The following TEX26 variants were observed in gnomAD, a reference collection of about 807,000 sequenced individuals.
TEX26 encodes the protein testis expressed 26.
TEX26 carries 34 observed loss-of-function variants against 35.3 expected under a neutral mutation model. That is an observed-to-expected ratio of 0.96 (90% CI 0.73 to 1.28). The LOEUF (loss-of-function observed/expected upper bound fraction) is 1.28, where lower values mean the gene tolerates loss of function less well. TEX26 is among the 50% of genes most tolerant of loss of function. TEX26 has a pLI of 0.00. For missense variants in TEX26, 371 were observed against 330.1 expected (o/e 1.12, Z -0.96); for synonymous variants, 136 against 111.8 (o/e 1.22, Z -1.36).
intron 4 of TEX26, among the ~76,000 whole-genome samples, chr13:30,965,130 T>C (rs7321023): frequency 0.69 from 105,507 of 151,948 alleles, 37,374 homozygotes; most frequent in African/African-American, 0.84. Context: ...GAGGTCATTA[T>C]GAGGGCTATT....
chr13:30,939,582 T>A, intron 1 of TEX26, 112 bp from the exon 2 acceptor site: 3 of 921,770 alleles, frequency 3.3e-6, no homozygotes, highest in Middle Eastern at 4.4e-4. Flanking sequence ...ACTCTAAAGA[T>A]AAACCATCCA....
intron 3 of TEX26, among the ~76,000 whole-genome samples, chr13:30,955,176 A>T (rs1954080939): frequency 6.6e-6 from 1 of 152,202 alleles, no homozygotes; most frequent in African/African-American, 2.4e-5. Context: ...GATGAGCTTT[A>T]AAAAATGAAA....
rs143224820 is a variant in TEX26, at chr13:30,975,177, T to C, written c.*270T>C. Reference sequence around the variant, plus strand: ...CCCTTTTGGATACTTAATTTGTAGTTTCAATTTTGATTTCTCCTGTGAACT... The same window carrying C: ...CCCTTTTGGATACTTAATTTGTAGTCTCAATTTTGATTTCTCCTGTGAACT... On this transcript the variant is annotated 3_prime_UTR_variant, in exon 7 of 7. Coordinates refer to ENST00000380473, the MANE Select transcript of TEX26 (RefSeq NM_152325.3). 1.5e-4 allele frequency: 34 copies of C among 226,472 alleles called. No homozygotes were observed. Among genetic ancestry groups the C allele is most frequent in the African/African-American group, 7.0e-4 (31 of 44,332 alleles). 14.0% of individuals were successfully genotyped at this position (226,472 alleles called of 1,614,324 possible). A position where few individuals can be genotyped will look rare whatever the true frequency, so the allele number is the denominator to read the frequency against.
rs1312236600 is a variant in TEX26 at position 30,975,212 on chromosome 13, G to T, written c.*305G>T. 1 of 187,158 alleles carries T rather than the reference G, an allele frequency of 5.3e-6. No homozygotes were observed. The highest frequency in any genetic ancestry group is 1.8e-4 in the South Asian group (1 of 5,634). The allele number at this position is 187,158 out of a possible 1,614,324, so 11.6% of individuals were successfully genotyped here. A position where few individuals can be genotyped will look rare whatever the true frequency, so the allele number is the denominator to read the frequency against. ...ATTTCTCCTGTGAACTAGGAATTAT[G>T]TGGAAGAGATTTCTTAATGTCCCAT... On this transcript the variant is annotated 3_prime_UTR_variant, in exon 7 of 7. Transcript: ENST00000380473.
intron 4 of TEX26, among the ~76,000 whole-genome samples, chr13:30,964,187 G>C (rs1954447294): frequency 6.6e-6 from 1 of 152,136 alleles, no homozygotes; most frequent in Admixed American, 6.5e-5. Flanking sequence ...TCAAAGCTCT[G>C]AGTCGTATTT....
chr13:30,948,768 G>T (rs909672276), intron 2 of TEX26, among the ~76,000 whole-genome samples: 1 of 152,030 alleles, frequency 6.6e-6, no homozygotes, highest in Non-Finnish European at 1.5e-5. Context: ...GTCAATTTTG[G>T]CTTTTGTTGC....
At chr13:30,936,699 A>C (rs1953284160) in intron 1 of TEX26, 1 of 985,440 alleles carries the variant, frequency 1.0e-6, no homozygotes, top group Non-Finnish European at 1.2e-6. Context: ...AGTGCTCCAC[A>C]GGGCTGGGTC....
At chr13:30,971,795 G>A (rs1409055893) in intron 6 of TEX26, among the ~76,000 whole-genome samples, 21 of 152,114 alleles carry the variant, frequency 1.4e-4, no homozygotes, top group Non-Finnish European at 1.5e-5. Flanking sequence ...TTTCCTATTG[G>A]TAAAGACTGT....
Position 30,966,211 on chromosome 13 carries a change from T to C in TEX26, c.470-11T>C, listed in dbSNP as rs1265774875. The C allele has an allele frequency of 1.1e-5, 17 of 1,613,680 alleles. No individual in the cohort carries two copies. In the Admixed American group the frequency reaches 2.0e-4, roughly 19 times the overall value. On this transcript the variant is annotated splice_polypyrimidine_tract_variant and intron_variant, in intron 4 of 6. Coordinates refer to ENST00000380473, the MANE Select transcript of TEX26 (RefSeq NM_152325.3). ...GAGTAAGTATTGCCTTCCATTTCCA[T>C]TCCACCCCAGCTCAGAAGATTAAGA...
At chr13:30,968,405 C>T (rs896004436) in intron 5 of TEX26, among the ~76,000 whole-genome samples, 1 of 152,172 alleles carries the variant, frequency 6.6e-6, no homozygotes, top group Non-Finnish European at 1.5e-5. Context: ...CCTTGGAAAG[C>T]CAGGCTTCAT....
rs115876387 is a variant in TEX26 at position 30,947,166 on chromosome 13, T to C, written c.147-5494T>C. 8.9e-3 allele frequency among the ~76,000 whole-genome samples: 1,350 copies of C among 152,250 alleles called. 22 individuals carry two copies. Among genetic ancestry groups the C allele is most frequent in the African/African-American group, 0.03 (1,257 of 41,560 alleles). On this transcript the variant is annotated intron_variant, in intron 2 of 6. Coordinates refer to ENST00000380473, the MANE Select transcript of TEX26 (RefSeq NM_152325.3). ...ATCGCTCAAAGCAATAAATACATTA[T>C]AAATGTTCATAATTATGAAATACAA... is the stretch of plus-strand genomic sequence containing the variant.
chr13:30,957,102 CGT>C, intron 4 of TEX26, 73 bp downstream of exon 4: 1 of 1,462,168 alleles, frequency 6.8e-7, no homozygotes, highest in Non-Finnish European at 9.4e-7. Context: ...CGGCAGCATG[CGT>C]GTGTTCTTCT....
intron 5 of TEX26, among the ~76,000 whole-genome samples, chr13:30,966,824 G>A (rs1254426541): frequency 2.6e-5 from 4 of 152,186 alleles, no homozygotes; most frequent in Non-Finnish European, 4.4e-5. Flanking sequence ...CTGGCAGCCC[G>A]TTTTGGTAAT....
Position 30,974,730 on chromosome 13 carries a change from C to T in TEX26, c.809-116C>T, listed in dbSNP as rs1039443567. 4 of 1,071,742 alleles carry T rather than the reference C, an allele frequency of 3.7e-6. No homozygotes were observed. The African/African-American group carries it at 6.7e-5, about 18-fold the overall frequency. 66.4% of individuals were successfully genotyped at this position (1,071,742 alleles called of 1,614,324 possible). ...TAGCCTGCTATTATTTTGGTCTTAC[C>T]AAATTTGTGTATTTAGTAATATTAT... On this transcript the variant is annotated intron_variant, in intron 6 of 6. Coordinates refer to ENST00000380473, the MANE Select transcript of TEX26 (RefSeq NM_152325.3).
intron 5 of TEX26, 34 bp downstream of exon 5, chr13:30,966,432 C>CAT: frequency 3.0e-6 from 3 of 994,326 alleles, no homozygotes; most frequent in Non-Finnish European, 4.0e-6. Context: ...TTCTTTTTCT[C>CAT]TTTTTTTTTT....
At position 30,933,022 on chromosome 13, in the gene TEX26, T is replaced by TTAG. The variant is rs1953132389; in HGVS notation, c.61+246_61+247insTAG. On this transcript the variant is annotated intron_variant, in intron 1 of 6. Transcript: ENST00000380473. ...TAAAACGCGCAGGGTTTTTAAACAC[T>TTAG]CGAGGAAGTGCCTGGCTAAGAGGGG... 2.4e-5 allele frequency: 10 copies of TTAG among 424,210 alleles called. No homozygotes were observed. In the East Asian group the frequency reaches 3.4e-4, roughly 14 times the overall value. 26.3% of individuals were successfully genotyped at this position (424,210 alleles called of 1,614,324 possible). A position where few individuals can be genotyped will look rare whatever the true frequency, so the allele number is the denominator to read the frequency against.
chr13:30,939,237 G>T (rs1365523800), intron 1 of TEX26, among the ~76,000 whole-genome samples: 1 of 152,218 alleles, frequency 6.6e-6, no homozygotes, highest in Non-Finnish European at 1.5e-5. Flanking sequence ...AGTGGCAATG[G>T]CAGGGAAAGG....
At chr13:30,965,079 T>G (rs1954479345) in intron 4 of TEX26, among the ~76,000 whole-genome samples, 1 of 152,164 alleles carries the variant, frequency 6.6e-6, no homozygotes, top group African/African-American at 2.4e-5. Context: ...GCCCCACAAG[T>G]TCCTCCCCTC....
intron 1 of TEX26, among the ~76,000 whole-genome samples, chr13:30,938,076 A>G (rs904427697): frequency 1.3e-5 from 2 of 152,240 alleles, no homozygotes; most frequent in South Asian, 2.1e-4. Context: ...TGGCTACAGT[A>G]TTCTAGGGAT....
Sources: allele counts gnomAD v4.1 joint callset (sites outside exome capture counted in the v4.1 genomes callset), GRCh38; gene constraint gnomAD v4.1.1; transcripts MANE v1.5; gene names NCBI Gene and HGNC (gene_info 2026-07-23, HGNC 2026-07-21).